Variants in CASZ1 observed in about 807,000 individuals in gnomAD.
CASZ1 encodes castor zinc finger 1.
A neutral mutation model predicts 135.2 loss-of-function variants in CASZ1; 28 were observed. The ratio of observed to expected loss-of-function variants is 0.21; its 90% CI spans 0.15 to 0.28. The LOEUF (loss-of-function observed/expected upper bound fraction) is 0.28, where lower values mean the gene tolerates loss of function less well. Ranked by LOEUF, CASZ1 falls within the 10% of genes least tolerant of loss-of-function variation. CASZ1 has a pLI of 1.00. For synonymous variants in CASZ1, 1,068 were observed against 1,073.4 expected (o/e 0.99, Z 0.10); for missense variants, 2,161 against 2,453.3 (o/e 0.88, Z 2.52).
Position 10,638,869 on chromosome 1 carries a change from G to T in CASZ1, c.*73C>A. 1.0e-6 allele frequency: 1 copy of T among 981,658 alleles called. No homozygotes were observed. Among genetic ancestry groups the T allele is most frequent in the Non-Finnish European group, 1.2e-6 (1 of 827,826 alleles). The allele number at this position is 981,658 out of a possible 1,614,324, so 60.8% of individuals were successfully genotyped here. A position where few individuals can be genotyped will look rare whatever the true frequency, so the allele number is the denominator to read the frequency against. ...GCGGGGCGCGGGGCTCTGCCCAGGG[G>T]CCGCTTCGCGCGGGGCGGCGCCGCT... On this transcript the variant is annotated 3_prime_UTR_variant, in exon 21 of 21. Transcript: ENST00000377022. This position sits in a 1 kb window ranked among gnomAD's most constrained non-coding sequence, Gnocchi z 5.9.
In CASZ1 at chr1:10,647,388, G is replaced by C. The variant is rs1030464483; in HGVS notation, c.3497+413C>G. The C allele has an allele frequency of 9.3e-6, 10 of 1,071,674 alleles. No homozygotes were observed. The highest frequency in any genetic ancestry group is 1.1e-5 in the Non-Finnish European group (10 of 882,734). 66.4% of individuals were successfully genotyped at this position (1,071,674 alleles called of 1,614,324 possible). A position where few individuals can be genotyped will look rare whatever the true frequency, so the allele number is the denominator to read the frequency against. ...GCCTGGAGGGGCCTGGCCCCTACCC[G>C]TGACTTCACGTGCCCTGCAGAGATT... On this transcript the variant is annotated intron_variant, in intron 16 of 20. Coordinates refer to ENST00000377022, the MANE Select transcript of CASZ1 (RefSeq NM_001079843.3). The surrounding 1 kb of genome is among the most constrained non-coding windows in gnomAD (Gnocchi z 4.9).
In CASZ1 at chr1:10,699,553, C is replaced by G. The variant is rs1056236233; in HGVS notation, c.-23-5641G>C. Among the ~76,000 whole-genome samples the G allele has an allele frequency of 6.6e-6, 1 of 152,214 alleles. No homozygotes were observed. The highest frequency in any genetic ancestry group is 1.5e-5 in the Non-Finnish European group (1 of 68,038). ...CAGAAGTCTTGCTGGCAGCCCAGCA[C>G]CCAGGGAGCCGGGAGCAGGTTTAAT... On this transcript the variant is annotated intron_variant, in intron 3 of 20. Coordinates refer to ENST00000377022, the MANE Select transcript of CASZ1 (RefSeq NM_001079843.3). This position sits in a 1 kb window ranked among gnomAD's most constrained non-coding sequence, Gnocchi z 4.6.
At chr1:10,790,148 G>C (rs772071606) in intron 1 of CASZ1, among the ~76,000 whole-genome samples, 1 of 152,312 alleles carries the variant, frequency 6.6e-6, no homozygotes, top group East Asian at 1.9e-4. Context: ...CCAGAACCAC[G>C]GCTGACTTCT....
At chr1:10,787,608 A>G (rs1640881780) in intron 1 of CASZ1, among the ~76,000 whole-genome samples, 1 of 151,828 alleles carries the variant, frequency 6.6e-6, no homozygotes, top group Non-Finnish European at 1.5e-5. Context: ...GGCAGAGCTC[A>G]TTCCCCCACC....
At position 10,719,665 on chromosome 1, in the gene CASZ1, C is replaced by A. The variant is rs1639460142; in HGVS notation, c.-76-14121G>T. 6.6e-6 allele frequency among the ~76,000 whole-genome samples: 1 copy of A among 152,222 alleles called. No individual in the cohort carries two copies. On this transcript the variant is annotated intron_variant, in intron 2 of 20. Transcript: ENST00000377022. The surrounding 1 kb of genome is among the most constrained non-coding windows in gnomAD (Gnocchi z 4.0). ...AATTCAACCAGGGAGCTGGGCCATGCCCTCAGGTACTGCCCAATCCTGAAG... is the reference window on the plus strand; with the variant it reads ...AATTCAACCAGGGAGCTGGGCCATGACCTCAGGTACTGCCCAATCCTGAAG...
At chr1:10,668,929 G>T (rs1643318955) in intron 4 of CASZ1, among the ~76,000 whole-genome samples, 1 of 152,244 alleles carries the variant, frequency 6.6e-6, no homozygotes, top group Non-Finnish European at 1.5e-5. Context: ...CCTGGAAGAG[G>T]CAGGGGACAG....
Position 10,660,024 on chromosome 1 carries a change from C to T in CASZ1, c.1018G>A (p.Asp340Asn), listed in dbSNP as rs747359296. 12 of 1,614,120 alleles carry T rather than the reference C, an allele frequency of 7.4e-6. No homozygotes were observed. The highest frequency in any genetic ancestry group is 6.7e-5 in the Admixed American group (4 of 60,026). The change falls in exon 6 of 21, where the codon GAC becomes AAC. Residue 340 changes from aspartate to asparagine, a missense_variant. This residue lies in a region of CASZ1 where 590 missense variants were observed against 609.8 expected (regional missense o/e 0.97). Coordinates refer to ENST00000377022, the MANE Select transcript of CASZ1 (RefSeq NM_001079843.3). ...GSTYKKPSKYDLENVKYLHLF... is the reference protein window; with the variant it reads ...GSTYKKPSKYNLENVKYLHLF... ...TGCAGGTACTTGACATTCTCCAGGTCGTACTTGGATGGCTTCTTGTAGGTG... is the reference window on the plus strand; with the variant it reads ...TGCAGGTACTTGACATTCTCCAGGTTGTACTTGGATGGCTTCTTGTAGGTG...
intron 1 of CASZ1, among the ~76,000 whole-genome samples, chr1:10,784,339 C>A (rs1007775466): frequency 2.0e-5 from 3 of 152,180 alleles, no homozygotes; most frequent in African/African-American, 7.2e-5. Flanking sequence ...AAGCTTCCAA[C>A]AGAACTTCCT....
Position 10,747,285 on chromosome 1 carries a change from G to A in CASZ1, c.-77+13416C>T, listed in dbSNP as rs1332110183. 6.6e-6 allele frequency among the ~76,000 whole-genome samples: 1 copy of A among 152,190 alleles called. No homozygotes were observed. The highest frequency in any genetic ancestry group is 1.5e-5 in the Non-Finnish European group (1 of 68,040). Reference sequence around the variant, plus strand: ...GGGAAGGTGGGGTCTGCAGAGAGAGGCAGGGTTCTGAATACGCTCATCTTT... The same window carrying A: ...GGGAAGGTGGGGTCTGCAGAGAGAGACAGGGTTCTGAATACGCTCATCTTT... On this transcript the variant is annotated intron_variant, in intron 2 of 20. Transcript: ENST00000377022. This position sits in a 1 kb window ranked among gnomAD's most constrained non-coding sequence, Gnocchi z 4.3.
rs1488596195 is a variant in CASZ1, at chr1:10,777,228, C to T, written c.-233-16371G>A. Among the ~76,000 whole-genome samples, 3 of 152,164 alleles carry T rather than the reference C, an allele frequency of 2.0e-5. No homozygotes were observed. The highest frequency in any genetic ancestry group is 1.9e-4 in the East Asian group (1 of 5,186). On this transcript the variant is annotated intron_variant, in intron 1 of 20. Coordinates refer to ENST00000377022, the MANE Select transcript of CASZ1 (RefSeq NM_001079843.3). This position sits in a 1 kb window ranked among gnomAD's most constrained non-coding sequence, Gnocchi z 4.4. ...TCACACAGGTGTCTCTGAGCCCACC[C>T]GAGCCTCGGAAGCTCAGCTGGGAAT...
At position 10,647,918 on chromosome 1, in the gene CASZ1, G is replaced by A; in HGVS notation, c.3380C>T (p.Pro1127Leu). Residue 1127 changes from proline to leucine, a missense_variant, in exon 16 of 21, where the codon CCC (proline) becomes CTC (leucine). This residue lies in a region of CASZ1 where 349 missense variants were observed against 460.8 expected (regional missense o/e 0.76). Coordinates refer to ENST00000377022, the MANE Select transcript of CASZ1 (RefSeq NM_001079843.3). The surrounding 1 kb of genome is among the most constrained non-coding windows in gnomAD (Gnocchi z 4.9). ...TGACGCTGGGATCTGAGGCATCTGG[G>A]GTATGGTGGAAGCCAGCTGCTTCCA... is the stretch of plus-strand genomic sequence containing the variant. The part of the protein sequence containing the change: ...LAWKQLASTI[P>L]QMPQIPASVP... 6.2e-7 allele frequency: 1 copy of A among 1,613,784 alleles called. No homozygotes were observed.
chr1:10,709,217 C>T lies in CASZ1; in HGVS notation c.-76-3673G>A, dbSNP rs1434913206. Among the ~76,000 whole-genome samples, 2 of 152,148 alleles carry T rather than the reference C, an allele frequency of 1.3e-5. No individual in the cohort carries two copies. The highest frequency in any genetic ancestry group is 2.9e-5 in the Non-Finnish European group (2 of 68,020). The stretch of plus-strand genomic sequence containing the variant: ...TCCTCGGCCAGCACTCCTACCTGCT[C>T]CCCAGGCCTCCCGGGGCCATGGGGG... On this transcript the variant is annotated intron_variant, in intron 2 of 20. Coordinates refer to ENST00000377022, the MANE Select transcript of CASZ1 (RefSeq NM_001079843.3). This position sits in a 1 kb window ranked among gnomAD's most constrained non-coding sequence, Gnocchi z 5.1.
chr1:10,753,039 A>AAAAACAAAAC (rs955210327), intron 2 of CASZ1, among the ~76,000 whole-genome samples: 2 of 152,252 alleles, frequency 1.3e-5, no homozygotes, highest in African/African-American at 4.8e-5. Context: ...CTCCATCTCA[A>AAAAACAAAAC]AAAACAAAAC....
At position 10,643,147 on chromosome 1, in the gene CASZ1, G is replaced by T. The variant is rs11582658; in HGVS notation, c.4020+13C>A. On this transcript the variant is annotated intron_variant, in intron 19 of 20. Coordinates refer to ENST00000377022, the MANE Select transcript of CASZ1 (RefSeq NM_001079843.3). ...CCACCCTGGCTGGGCTCTCACCTGGGGGGGGCTCTCACCTGGGAGGGGGGC... is the reference window on the plus strand; with the variant it reads ...CCACCCTGGCTGGGCTCTCACCTGGTGGGGGCTCTCACCTGGGAGGGGGGC... 1.3e-5 allele frequency: 20 copies of T among 1,551,292 alleles called. No individual in the cohort carries two copies. The African/African-American group carries it at 2.1e-4, about 16-fold the overall frequency.
intron 2 of CASZ1, among the ~76,000 whole-genome samples, chr1:10,743,673 G>A (rs111732180): frequency 9.2e-4 from 132 of 142,818 alleles, no homozygotes; most frequent in African/African-American, 3.3e-3. Context: ...ATGGGGGGGC[G>A]GGGTGCGGGG....
intron 1 of CASZ1, among the ~76,000 whole-genome samples, chr1:10,766,538 G>T (rs72862933): frequency 0.042 from 6,464 of 152,266 alleles, 172 homozygotes; most frequent in South Asian, 0.082. Context: ...AAAGCCTCAG[G>T]TGCTTCTGGC....
intron 2 of CASZ1, among the ~76,000 whole-genome samples, chr1:10,712,249 G>A (rs1313222624): frequency 6.6e-6 from 1 of 152,088 alleles, no homozygotes; most frequent in African/African-American, 2.4e-5. Context: ...GGGAGGCTGA[G>A]GCAGGAAAAT....
At chr1:10,690,678 C>A (rs576130085) in intron 4 of CASZ1, among the ~76,000 whole-genome samples, 1 of 152,322 alleles carries the variant, frequency 6.6e-6, no homozygotes, top group Admixed American at 6.5e-5. Context: ...CTCACCGGCA[C>A]CCCCTGCAGT....
chr1:10,772,368 C>T (rs1196904098), intron 1 of CASZ1, among the ~76,000 whole-genome samples: 2 of 152,208 alleles, frequency 1.3e-5, no homozygotes, highest in Non-Finnish European at 2.9e-5. Flanking sequence ...CTGCTCCTTC[C>T]CCCATAGAAA....
Sources: allele counts gnomAD v4.1 joint callset (sites outside exome capture counted in the v4.1 genomes callset), GRCh38; gene constraint gnomAD v4.1.1; regional missense constraint gnomAD v4.1.1; non-coding constraint Gnocchi (gnomAD v3.1); transcripts MANE v1.5; gene names NCBI Gene and HGNC (gene_info 2026-07-23, HGNC 2026-07-21).